Variants in SCN3A observed in about 807,000 individuals in gnomAD.
The protein encoded by SCN3A is sodium voltage-gated channel alpha subunit 3.
A neutral mutation model predicts 187.6 loss-of-function variants in SCN3A; 60 were observed. The ratio of observed to expected loss-of-function variants is 0.32; its 90% CI spans 0.26 to 0.40. The LOEUF (loss-of-function observed/expected upper bound fraction) is 0.40. SCN3A is among the 10% of genes least tolerant of loss of function. The pLI is 1.00. For synonymous variants in SCN3A, 788 were observed against 829.2 expected (o/e 0.95, Z 0.85); for missense variants, 1,601 against 2,428.2 (o/e 0.66, Z 7.16).
At position 165,184,055 on chromosome 2, in the gene SCN3A, A is replaced by AT. The variant is rs1446619564; in HGVS notation, c.-51+2495dup. ...AATTACCTGTTGAAGAAAATTAGTT[A>AT]TTTTTCCCAGTGAAATTTTCACTGA... On this transcript the variant is annotated intron_variant, in intron 2 of 27. Transcript: ENST00000283254. 3.9e-5 allele frequency among the ~76,000 whole-genome samples: 6 copies of AT among 151,986 alleles called. No individual in the cohort carries two copies. The East Asian group carries it at 1.2e-3, about 29-fold the overall frequency.
rs772623957 is a variant in SCN3A, at chr2:165,155,719, T to C, written c.1173+43A>G. On this transcript the variant is annotated intron_variant, in intron 10 of 27. Coordinates refer to ENST00000283254, the MANE Select transcript of SCN3A (RefSeq NM_006922.4). ...CAGCCTATGCTTTTCATTTCATACA[T>C]GTCTATAAAAATAAATGTTATGCAT... 6 of 1,610,508 alleles carry C rather than the reference T, an allele frequency of 3.7e-6. No homozygotes were observed. In the African/African-American group the frequency reaches 6.7e-5, roughly 18 times the overall value.
chr2:165,140,673 G>A lies in SCN3A; in HGVS notation c.1997C>T (p.Pro666Leu), dbSNP rs1171357837. The change falls in exon 13 of 28, where the codon CCT (proline) becomes CTT (leucine). Residue 666 changes from proline to leucine, a missense_variant. This residue lies in a region of SCN3A where 376 missense variants were observed against 476.0 expected (regional missense o/e 0.79). Coordinates refer to ENST00000283254, the MANE Select transcript of SCN3A (RefSeq NM_006922.4). This position sits in a 1 kb window ranked among gnomAD's most constrained non-coding sequence, Gnocchi z 4.2. ...CACCTCTGGGGGAAGTTGTCCAGTA[G>A]GTGACGTTAGAGCTGAAGGTCCACC... ...LVGGPSALTS[P>L]TGQLPPEGTT... 2 of 1,613,974 alleles carry A rather than the reference G, an allele frequency of 1.2e-6. No homozygotes were observed. The highest frequency in any genetic ancestry group is 1.7e-6 in the Non-Finnish European group (2 of 1,179,978).
chr2:165,188,807 A>C (rs1163013254), intron 1 of SCN3A, among the ~76,000 whole-genome samples: 1 of 96,512 alleles, frequency 1.0e-5, no homozygotes, highest in Non-Finnish European at 2.0e-5. Flanking sequence ...CCCACTTCAA[A>C]AAAAAAAAAA....
intron 21 of SCN3A, among the ~76,000 whole-genome samples, chr2:165,109,217 G>A (rs1269477515): frequency 6.6e-6 from 1 of 151,892 alleles, no homozygotes; most frequent in Non-Finnish European, 1.5e-5. Context: ...ATGTTATAGT[G>A]TCCCCAGAGT....
chr2:165,182,708 C>A (rs1412259877), intron 2 of SCN3A, among the ~76,000 whole-genome samples: 3 of 152,104 alleles, frequency 2.0e-5, no homozygotes, highest in African/African-American at 7.2e-5. Context: ...ATAATAAATT[C>A]TGTTTGGAAC....
chr2:165,139,283 C>A (rs572789299), intron 14 of SCN3A, among the ~76,000 whole-genome samples, 193 bp downstream of exon 14: 3 of 151,988 alleles, frequency 2.0e-5, no homozygotes, highest in Non-Finnish European at 4.4e-5. Flanking sequence ...AAGGTAAGGA[C>A]CCAAGTCAAA....
intron 18 of SCN3A, among the ~76,000 whole-genome samples, chr2:165,120,897 C>G (rs757036799): frequency 6.6e-6 from 1 of 151,700 alleles, no homozygotes; most frequent in East Asian, 1.9e-4. Context: ...ACAACATCCC[C>G]GGAGCTTCTT....
rs188120282 is a variant in SCN3A at position 165,105,182 on chromosome 2, C to T, written c.3844-4758G>A. ...GACACTCTTGAGTCCCTTCACCCAACGCTCTCCAACCCTTCAGAGAGCAGA... is the reference window on the plus strand; with the variant it reads ...GACACTCTTGAGTCCCTTCACCCAATGCTCTCCAACCCTTCAGAGAGCAGA... On this transcript the variant is annotated intron_variant, in intron 21 of 27. Coordinates refer to ENST00000283254, the MANE Select transcript of SCN3A (RefSeq NM_006922.4). Among the ~76,000 whole-genome samples the T allele has an allele frequency of 2.3e-4, 35 of 152,318 alleles. No individual in the cohort carries two copies. In the East Asian group the frequency reaches 2.7e-3, roughly 12 times the overall value.
chr2:165,122,371 A>G (rs1057515015), intron 18 of SCN3A, among the ~76,000 whole-genome samples: 5 of 151,662 alleles, frequency 3.3e-5, no homozygotes, highest in Admixed American at 3.3e-4. Context: ...TGGCAGTACT[A>G]TCAGAAAAAA....
Position 165,140,959 on chromosome 2 carries a change from G to A in SCN3A, c.1711C>T (p.Arg571Cys), listed in dbSNP as rs776460316. The A allele has an allele frequency of 7.4e-6, 12 of 1,613,846 alleles. No homozygotes were observed. Among genetic ancestry groups the A allele is most frequent in the Non-Finnish European group, 1.0e-5 (12 of 1,179,956 alleles). Residue 571 changes from arginine (R) to cysteine (C), a missense_variant, in exon 13 of 28, where the codon CGC becomes TGC. Arg to Cys is a radical substitution (Grantham distance 180). Around this residue, in one of 11 missense-constraint regions of SCN3A, gnomAD observed 376 missense variants for 476.0 expected, o/e 0.79. Transcript: ENST00000283254. This position sits in a 1 kb window ranked among gnomAD's most constrained non-coding sequence, Gnocchi z 4.2. ...CTGAAAATGCTTGTTTTGCTATTGC[G>A]TCTTGGGGAAAACAGGGAGCCACGG... is the stretch of plus-strand genomic sequence containing the variant. Reference protein sequence around the residue: ...SIRGSLFSPRRNSKTSIFSFR... With the variant: ...SIRGSLFSPRCNSKTSIFSFR...
chr2:165,186,271 A>AAAC (rs150296470), intron 2 of SCN3A, among the ~76,000 whole-genome samples: 4 of 121,568 alleles, frequency 3.3e-5, no homozygotes, highest in South Asian at 2.7e-4. Flanking sequence ...CTCTGTCTCA[A>AAAC]AACAACAACA....
chr2:165,176,051 C>G lies in SCN3A; in HGVS notation c.264+80G>C, dbSNP rs1340859890. Reference sequence around the variant, plus strand: ...CTTTAACAGAAGAAAAATTGTGATGCTGTATATAAGGCCCAGAAAAGTATA... The same window carrying G: ...CTTTAACAGAAGAAAAATTGTGATGGTGTATATAAGGCCCAGAAAAGTATA... On this transcript the variant is annotated intron_variant, in intron 3 of 27. Coordinates refer to ENST00000283254, the MANE Select transcript of SCN3A (RefSeq NM_006922.4). 2.3e-6 allele frequency: 3 copies of G among 1,326,300 alleles called. No homozygotes were observed. The East Asian group carries it at 7.1e-5, about 31-fold the overall frequency. 82.2% of individuals were successfully genotyped at this position (1,326,300 alleles called of 1,614,324 possible). A position where few individuals can be genotyped will look rare whatever the true frequency, so the allele number is the denominator to read the frequency against.
chr2:165,173,324 C>T (rs1452341320), intron 3 of SCN3A, among the ~76,000 whole-genome samples: 1 of 152,072 alleles, frequency 6.6e-6, no homozygotes, highest in Non-Finnish European at 1.5e-5. Flanking sequence ...GAGTCGAATG[C>T]CTGGACTCAG....
chr2:165,116,051 A>G (rs1029666914), intron 18 of SCN3A, among the ~76,000 whole-genome samples: 5 of 152,116 alleles, frequency 3.3e-5, no homozygotes, highest in African/African-American at 1.2e-4. Context: ...AGTATTGTCC[A>G]TGTTTCTATA....
rs577713385 is a variant in SCN3A, at chr2:165,111,331, G to T, written c.3843+1554C>A. Among the ~76,000 whole-genome samples, 9 of 152,082 alleles carry T rather than the reference G, an allele frequency of 5.9e-5. 1 individual carries two copies. The South Asian group carries it at 1.9e-3, about 32-fold the overall frequency. ...GCCTAGGCAAGAAGAGCGAAACTCC[G>T]TCTCAAAAATAAAAAAAGATCATAA... On this transcript the variant is annotated intron_variant, in intron 21 of 27. Coordinates refer to ENST00000283254, the MANE Select transcript of SCN3A (RefSeq NM_006922.4).
chr2:165,147,676 T>C (rs555817608), intron 11 of SCN3A, among the ~76,000 whole-genome samples: 1 of 145,490 alleles, frequency 6.9e-6, no homozygotes, highest in South Asian at 2.2e-4. Context: ...CATAGATTAT[T>C]TAATATTATA....
rs1358544134 is a variant in SCN3A, at chr2:165,101,727, C to T, written c.3844-1303G>A. Among the ~76,000 whole-genome samples, 7 of 152,294 alleles carry T rather than the reference C, an allele frequency of 4.6e-5. No individual in the cohort carries two copies. In the East Asian group the frequency reaches 1.4e-3, roughly 29 times the overall value. ...GGGCTTAATTTCCTATGAAAAAAGG[C>T]TGTTGAAAATGGATTTAAGTGAATC... On this transcript the variant is annotated intron_variant, in intron 21 of 27. Coordinates refer to ENST00000283254, the MANE Select transcript of SCN3A (RefSeq NM_006922.4).
chr2:165,148,872 C>G (rs569421874), intron 11 of SCN3A, among the ~76,000 whole-genome samples: 1 of 151,998 alleles, frequency 6.6e-6, no homozygotes, highest in African/African-American at 2.4e-5. Flanking sequence ...TTTTATAACT[C>G]TGACTATATA....
intron 6 of SCN3A, chr2:165,163,949 G>A: frequency 6.7e-7 from 1 of 1,485,796 alleles, no homozygotes; most frequent in Non-Finnish European, 9.3e-7. Context: ...ACTAAATAAG[G>A]ACTTAATGCT....
Sources: gnomAD v4.1 joint callset for allele counts (sites outside exome capture counted in the v4.1 genomes callset) on GRCh38, gnomAD v4.1.1 for gene constraint, gnomAD v4.1.1 regional missense constraint, Gnocchi (gnomAD v3.1) non-coding constraint, MANE v1.5 for transcripts, NCBI Gene and HGNC (gene_info 2026-07-23, HGNC 2026-07-21) for gene names.